The following CACNG8 variants were observed in gnomAD, a reference collection of about 807,000 sequenced individuals.
CACNG8 encodes voltage-dependent calcium channel gamma-8 subunit.
A neutral mutation model predicts 26.9 loss-of-function variants in CACNG8; 5 were observed. The ratio of observed to expected loss-of-function variants is 0.19; its 90% confidence interval spans 0.10 to 0.39. CACNG8 has a LOEUF of 0.39. Among genes scored for constraint, CACNG8 ranks in the 10% least tolerant of loss-of-function variants. The pLI is 1.00. For synonymous variants in CACNG8, 321 were observed against 296.7 expected, an observed-to-expected ratio of 1.08 and a Z score of -0.84; for missense variants, 473 against 609.4, an observed-to-expected ratio of 0.78 and a Z score of 2.36.
intron 1 of CACNG8, 51 bp from the exon 2 acceptor site, chr19:53,978,095 C>T: frequency 1.5e-6 from 2 of 1,297,220 alleles, no homozygotes; most frequent in Non-Finnish European, 2.2e-6. Flanking sequence ...GGTTGCCCCG[C>T]CCCCAACCCT....
intron 1 of CACNG8, among the ~76,000 whole-genome samples, chr19:53,971,466 G>C (rs988187483): frequency 6.6e-6 from 1 of 152,074 alleles, no homozygotes; most frequent in Non-Finnish European, 1.5e-5. Flanking sequence ...TCCTGAGTCT[G>C]AAACCCAGTA....
In CACNG8 at chr19:53,982,545, CCGGCGG is replaced by C. The variant is rs769981108; in HGVS notation, c.989_994del (p.Gly330_Gly331del). ...AGCGTGGCCGCGGGGCTGGCGGGGG[CCGGCGG>C]CGGCGGCGGCGGCGCCGTGGGGGCG... On this transcript the variant is annotated inframe_deletion, in exon 4 of 4. Coordinates refer to ENST00000270458, the MANE Select transcript of CACNG8 (RefSeq NM_031895.6). This position sits in a 1 kb window ranked among gnomAD's most constrained non-coding sequence, Gnocchi z 8.4. 2.9e-4 allele frequency: 347 copies of C among 1,216,164 alleles called. No homozygotes were observed. Among genetic ancestry groups the C allele is most frequent in the East Asian group, 4.1e-4 (12 of 29,626 alleles). The allele number at this position is 1,216,164 out of a possible 1,614,324, so 75.3% of individuals were successfully genotyped here. A position where few individuals can be genotyped will look rare whatever the true frequency, so the allele number is the denominator to read the frequency against.
At chr19:53,981,151 A>G (rs568844055) in intron 3 of CACNG8, among the ~76,000 whole-genome samples, 3 of 152,296 alleles carry the variant, frequency 2.0e-5, no homozygotes, top group Non-Finnish European at 4.4e-5. Flanking sequence ...TCCGGCAGGA[A>G]TTATATGAAG....
chr19:53,980,038 C>A (rs764831236), intron 3 of CACNG8, 31 bp downstream of exon 3: 81 of 1,576,466 alleles, frequency 5.1e-5, no homozygotes, highest in Non-Finnish European at 6.5e-5. Context: ...GCGACCGGGG[C>A]GGCCCACCTG....
rs2069419150 is a variant in CACNG8, at chr19:53,988,237, T to TG, written c.*5394dup. On this transcript the variant is annotated 3_prime_UTR_variant, in exon 4 of 4. Coordinates refer to ENST00000270458, the MANE Select transcript of CACNG8 (RefSeq NM_031895.6). ...GCTGGAGTGGAGGGGAGAGAGAATT[T>TG]GGGGGGAAGACAGAAGGAAAGGGAA... 3 of 148,260 alleles carry TG rather than the reference T, an allele frequency of 2.0e-5. No individual in the cohort carries two copies. The highest frequency in any genetic ancestry group is 2.2e-4 in the South Asian group (1 of 4,576). 9.2% of individuals were successfully genotyped at this position (148,260 alleles called of 1,614,324 possible).
At position 53,963,359 on chromosome 19, in the gene CACNG8, G is replaced by T. The variant is rs775561047; in HGVS notation, c.217G>T (p.Ala73Ser). ...GACCCCCCACCGCGGGGGCGGCGGC[G>T]CCTCGGAGAAGAAGGACCCCGGCGG... The change falls in exon 1 of 4, where the codon GCC (alanine) becomes TCC (serine). Residue 73 changes from alanine to serine, a missense_variant. Ala to Ser is a moderately conservative substitution (Grantham distance 99). This residue lies in a region of CACNG8 where 69 missense variants were observed against 66.7 expected (regional missense o/e 1.03). Coordinates refer to ENST00000270458, the MANE Select transcript of CACNG8 (RefSeq NM_031895.6). 7 of 1,589,762 alleles carry T rather than the reference G, an allele frequency of 4.4e-6. No individual in the cohort carries two copies. The African/African-American group carries it at 8.2e-5, about 19-fold the overall frequency.
At chr19:53,969,425 A>G (rs1037394412) in intron 1 of CACNG8, among the ~76,000 whole-genome samples, 11 of 140,568 alleles carry the variant, frequency 7.8e-5, no homozygotes, top group African/African-American at 2.8e-4. Context: ...TGATTTGTTT[A>G]CTTTTTTTTT....
rs1777721531 is a variant in CACNG8 at position 53,962,957 on chromosome 19, C to T, written c.-186C>T. ...TCGCTCCTTGCCCTCCACCAGCCGC[C>T]GACCATGGCCGCGCTCTGACCCCCT... is the stretch of plus-strand genomic sequence containing the variant. On this transcript the variant is annotated 5_prime_UTR_variant, in exon 1 of 4. Transcript: ENST00000270458. 2 of 352,136 alleles carry T rather than the reference C, an allele frequency of 5.7e-6. No individual in the cohort carries two copies. The highest frequency in any genetic ancestry group is 4.8e-5 in the Admixed American group (1 of 20,826). The allele number at this position is 352,136 out of a possible 1,614,324, so 21.8% of individuals were successfully genotyped here. A position where few individuals can be genotyped will look rare whatever the true frequency, so the allele number is the denominator to read the frequency against.
rs1362061023 is a variant in CACNG8, at chr19:53,982,014, C to T, written c.509-66C>T. ...CCCGCTGGCGCAGGCGGGCAGGGGT[C>T]GGGGCCGGGGGCGGGGGCGGGGCCG... On this transcript the variant is annotated intron_variant, in intron 3 of 3. Transcript: ENST00000270458. This position sits in a 1 kb window ranked among gnomAD's most constrained non-coding sequence, Gnocchi z 8.4. 1.4e-5 allele frequency: 16 copies of T among 1,164,400 alleles called. No individual in the cohort carries two copies. In the Admixed American group the frequency reaches 5.4e-4, roughly 40 times the overall value. The allele number at this position is 1,164,400 out of a possible 1,614,324, so 72.1% of individuals were successfully genotyped here. A position where few individuals can be genotyped will look rare whatever the true frequency, so the allele number is the denominator to read the frequency against.
chr19:53,974,368 C>T (rs1045040707), intron 1 of CACNG8, among the ~76,000 whole-genome samples: 1 of 152,152 alleles, frequency 6.6e-6, no homozygotes, highest in African/African-American at 2.4e-5. Context: ...TCAACGGGCA[C>T]TGGGGTGTTT....
intron 1 of CACNG8, among the ~76,000 whole-genome samples, chr19:53,966,379 T>A (rs763301183): frequency 6.6e-6 from 1 of 152,014 alleles, no homozygotes; most frequent in Non-Finnish European, 1.5e-5. Context: ...TGAGCCACCA[T>A]GCCTGGCCAG....
At chr19:53,977,045 C>T (rs1334845318) in intron 1 of CACNG8, among the ~76,000 whole-genome samples, 1 of 152,218 alleles carries the variant, frequency 6.6e-6, no homozygotes, top group African/African-American at 2.4e-5. Context: ...ACAGAGGAAT[C>T]GGACTCCCAT....
At chr19:53,979,163 A>G (rs1472412562) in intron 2 of CACNG8, among the ~76,000 whole-genome samples, 9 of 130,288 alleles carry the variant, frequency 6.9e-5, no homozygotes, top group African/African-American at 2.5e-4. Context: ...AAAGTGGGAG[A>G]GAGACTTAGG....
rs907737944 is a variant in CACNG8, at chr19:53,974,642, TTTAA to T, written c.284-3501_284-3498del. On this transcript the variant is annotated intron_variant, in intron 1 of 3. Coordinates refer to ENST00000270458, the MANE Select transcript of CACNG8 (RefSeq NM_031895.6). ...GTTATTTTATTTATTTATTTATTTA[TTTAA>T]TTTATTTATTTTTGAGACAGAGTCT... 1.1e-3 allele frequency among the ~76,000 whole-genome samples: 149 copies of T among 131,434 alleles called. 1 individual carries two copies. Among genetic ancestry groups the T allele is most frequent in the Admixed American group, 3.9e-3 (52 of 13,326 alleles). The allele number at this position is 131,434 out of a possible 152,430, so 86.2% of individuals were successfully genotyped here.
At chr19:53,968,813 C>CAAAGGAGTGGAG (rs2069286025) in intron 1 of CACNG8, among the ~76,000 whole-genome samples, 1 of 145,268 alleles carries the variant, frequency 6.9e-6, no homozygotes, top group African/African-American at 2.6e-5. Flanking sequence ...GAGAAGTCAC[C>CAAAGGAGTGGAG]AAAGGAGTGG....
At position 53,988,192 on chromosome 19, in the gene CACNG8, G is replaced by C. The variant is rs2069418926; in HGVS notation, c.*5343G>C. 6.6e-6 allele frequency: 1 copy of C among 152,658 alleles called. No homozygotes were observed. The highest frequency in any genetic ancestry group is 2.1e-4 in the South Asian group (1 of 4,824). The allele number at this position is 152,658 out of a possible 1,614,324, so 9.5% of individuals were successfully genotyped here. ...TAAGATAAGATGTCAGTTCAGTGCA[G>C]TGGTGGGGACAGAAGCCCTGCTGGA... On this transcript the variant is annotated 3_prime_UTR_variant, in exon 4 of 4. Coordinates refer to ENST00000270458, the MANE Select transcript of CACNG8 (RefSeq NM_031895.6).
chr19:53,970,876 G>A (rs1024345325), intron 1 of CACNG8, among the ~76,000 whole-genome samples: 1 of 148,600 alleles, frequency 6.7e-6, no homozygotes, highest in Non-Finnish European at 1.5e-5. Context: ...AGGCTGCAGT[G>A]AGCTGTGATT....
chr19:53,968,768 C>CA (rs34461203), intron 1 of CACNG8, among the ~76,000 whole-genome samples: 1,932 of 49,850 alleles, frequency 0.039, 159 homozygotes, highest in African/African-American at 0.14. Flanking sequence ...GACTCTATCT[C>CA]AAAAAAAAAA....
intron 1 of CACNG8, among the ~76,000 whole-genome samples, chr19:53,977,917 GT>G (rs2069339565): frequency 6.6e-6 from 1 of 152,138 alleles, no homozygotes; most frequent in African/African-American, 2.4e-5. Context: ...TAGACTTTGG[GT>G]TTTTTTCCTT....
Sources: allele counts gnomAD v4.1 joint callset (sites outside exome capture counted in the v4.1 genomes callset), GRCh38; gene constraint gnomAD v4.1.1; regional missense constraint gnomAD v4.1.1; non-coding constraint Gnocchi (gnomAD v3.1); transcripts MANE v1.5; gene names NCBI Gene and HGNC (gene_info 2026-07-23, HGNC 2026-07-21).